Variants in GPR137B observed in about 807,000 individuals in gnomAD.
GPR137B encodes G protein-coupled receptor 137B.
GPR137B carries 42 observed loss-of-function variants against 42.5 expected under a neutral mutation model. That is an observed-to-expected ratio of 0.99 (90% CI 0.77 to 1.28). The LOEUF is 1.28. GPR137B is among the 50% of genes most tolerant of loss of function. GPR137B has a pLI of 0.00. For missense variants in GPR137B, 487 were observed against 493.9 expected, an observed-to-expected ratio of 0.99 and a Z score of 0.13; for synonymous variants, 218 against 209.7, an observed-to-expected ratio of 1.04 and a Z score of -0.34.
At chr1:236,206,684 A>C (rs1663672591) in intron 6 of GPR137B, among the ~76,000 whole-genome samples, 1 of 152,236 alleles carries the variant, frequency 6.6e-6, no homozygotes, top group Non-Finnish European at 1.5e-5. Context: ...AGTTTTGCTT[A>C]CCTCAGCATG....
In GPR137B at chr1:236,142,814, C is replaced by G. The variant is rs1437688608; in HGVS notation, c.192C>G (p.Leu64=). The change falls in exon 1 of 7, where the codon CTC becomes CTG. Residue 64 remains leucine (L), a synonymous_variant. Transcript: ENST00000366592. The stretch of plus-strand genomic sequence containing the variant: ...TCTTCGTGTTCATCTACGTGCAGCT[C>G]TGGCTGGTGCTGCGTTACCGCCACA... ...ALLFVFIYVQ[L]WLVLRYRHKR... 5 of 1,614,086 alleles carry G rather than the reference C, an allele frequency of 3.1e-6. No homozygotes were observed. The South Asian group carries it at 5.5e-5, about 18-fold the overall frequency.
At chr1:236,169,210 GCAGGTACAGGTACAGGTA>G (rs200459012) in intron 2 of GPR137B, among the ~76,000 whole-genome samples, 6 of 133,372 alleles carry the variant, frequency 4.5e-5, no homozygotes, top group African/African-American at 1.4e-4. Flanking sequence ...AGGTGCAGGT[GCAGGTACAGGTACAGGTA>G]CAGGTGCAGG....
At chr1:236,154,888 A>G (rs1300779433) in intron 1 of GPR137B, among the ~76,000 whole-genome samples, 2 of 152,172 alleles carry the variant, frequency 1.3e-5, no homozygotes, top group African/African-American at 2.4e-5. Context: ...ACCGGGAGAA[A>G]TGCATCCTCT....
At chr1:236,197,806 C>G (rs554367182) in intron 5 of GPR137B, among the ~76,000 whole-genome samples, 1 of 152,210 alleles carries the variant, frequency 6.6e-6, no homozygotes, top group Non-Finnish European at 1.5e-5. Flanking sequence ...TTGGAACCTC[C>G]GCCTCCCAGG....
chr1:236,144,437 A>G (rs1244972473), intron 1 of GPR137B, among the ~76,000 whole-genome samples: 1 of 152,224 alleles, frequency 6.6e-6, no homozygotes, highest in Non-Finnish European at 1.5e-5. Context: ...AACAAACAAA[A>G]AAAACAAAGT....
chr1:236,197,886 AATTTTTGT>A (rs1337725731), intron 5 of GPR137B, among the ~76,000 whole-genome samples: 1 of 151,882 alleles, frequency 6.6e-6, no homozygotes, highest in Non-Finnish European at 1.5e-5. Flanking sequence ...ATGCGCAGCT[AATTTTTGT>A]ATTTTTAGTA....
Position 236,205,134 on chromosome 1 carries a change from T to G in GPR137B, c.975T>G (p.Pro325=). 6 of 1,613,008 alleles carry G rather than the reference T, an allele frequency of 3.7e-6. No individual in the cohort carries two copies. Among genetic ancestry groups the G allele is most frequent in the Non-Finnish European group, 4.2e-6 (5 of 1,179,048 alleles). ...ATTACCTGTCTTTCTAGACCAACCC[T>G]GGAATGGTCCCCAGCCATGGATTCA... ...VRNPTKDLTN[P]GMVPSHGFSP... The change falls in exon 6 of 7, where the codon CCT becomes CCG. Residue 325 remains proline (P), a synonymous_variant. Transcript: ENST00000366592.
chr1:236,151,401 G>A (rs559353684), intron 1 of GPR137B, among the ~76,000 whole-genome samples: 1 of 150,348 alleles, frequency 6.7e-6, no homozygotes, highest in Non-Finnish European at 1.5e-5. Flanking sequence ...GCCACATATG[G>A]TCTCTGTTGC....
intron 5 of GPR137B, 109 bp downstream of exon 5, chr1:236,184,015 G>A (rs1662954214): frequency 2.9e-6 from 2 of 700,372 alleles, no homozygotes; most frequent in Non-Finnish European, 4.7e-6. Flanking sequence ...TTCCTTTTGT[G>A]GTGGTATGAA....
Position 236,201,847 on chromosome 1 carries a change from C to T in GPR137B, c.967-3279C>T, listed in dbSNP as rs116542435. On this transcript the variant is annotated intron_variant, in intron 5 of 6. Transcript: ENST00000366592. ...ACCTTGTTTTGTCATATTACCAGAA[C>T]TGCTTTTCTGATTCCTTCTCATGTG... 1.0e-3 allele frequency among the ~76,000 whole-genome samples: 155 copies of T among 152,138 alleles called. 1 individual carries two copies. The highest frequency in any genetic ancestry group is 3.5e-3 in the African/African-American group (144 of 41,414).
chr1:236,159,359 A>G (rs1284762684), intron 1 of GPR137B, among the ~76,000 whole-genome samples: 2 of 152,214 alleles, frequency 1.3e-5, no homozygotes, highest in Admixed American at 6.5e-5. Context: ...GCAAATGTCA[A>G]CTTGAGTTAG....
At chr1:236,179,504 G>A (rs757400795) in intron 3 of GPR137B, among the ~76,000 whole-genome samples, 7 of 152,154 alleles carry the variant, frequency 4.6e-5, no homozygotes, top group Non-Finnish European at 1.0e-4. Context: ...GCCTCCTTGA[G>A]CCAGAGGCCC....
chr1:236,157,886 C>T (rs1222536739), intron 1 of GPR137B, among the ~76,000 whole-genome samples: 1 of 152,138 alleles, frequency 6.6e-6, no homozygotes, highest in Non-Finnish European at 1.5e-5. Context: ...TAGATACCTT[C>T]CAAACACATA....
intron 5 of GPR137B, among the ~76,000 whole-genome samples, chr1:236,187,645 T>C (rs1663071202): frequency 6.6e-6 from 1 of 151,970 alleles, no homozygotes; most frequent in African/African-American, 2.4e-5. Context: ...GTTGTACATG[T>C]GTGGTATTAT....
chr1:236,147,529 G>A (rs111745612), intron 1 of GPR137B, among the ~76,000 whole-genome samples: 2,582 of 152,324 alleles, frequency 0.017, 66 homozygotes, highest in East Asian at 0.072. Context: ...TGGGTGACAG[G>A]CTGGATGCCT....
intron 2 of GPR137B, among the ~76,000 whole-genome samples, chr1:236,174,436 G>A (rs1558486876): frequency 6.6e-6 from 1 of 152,168 alleles, no homozygotes; most frequent in African/African-American, 2.4e-5. Flanking sequence ...CTTGAGTGCT[G>A]GGTTCTGGAA....
chr1:236,159,822 TGG>T (rs1662137236), intron 1 of GPR137B, among the ~76,000 whole-genome samples: 1 of 152,200 alleles, frequency 6.6e-6, no homozygotes, highest in Admixed American at 6.5e-5. Flanking sequence ...GGTGAAGGCC[TGG>T]GTTACCAAGG....
At chr1:236,200,150 A>G (rs1663452269) in intron 5 of GPR137B, among the ~76,000 whole-genome samples, 1 of 151,992 alleles carries the variant, frequency 6.6e-6, no homozygotes, top group Non-Finnish European at 1.5e-5. Flanking sequence ...ATGCATTTAT[A>G]TAGTTTTGAG....
Position 236,152,004 on chromosome 1 carries a change from G to A in GPR137B, c.414+8968G>A, listed in dbSNP as rs116184345. On this transcript the variant is annotated intron_variant, in intron 1 of 6. Transcript: ENST00000366592. ...AGGGTGTGAGCAACCTTGGCGTGCC[G>A]TGAGCCTGGCCCCATCAGGCCCACA... Among the ~76,000 whole-genome samples, 649 of 152,246 alleles carry A rather than the reference G, an allele frequency of 4.3e-3. 3 individuals are homozygous for A. The highest frequency in any genetic ancestry group is 6.4e-3 in the Non-Finnish European group (432 of 68,016).
Sources: allele counts gnomAD v4.1 joint callset (sites outside exome capture counted in the v4.1 genomes callset), GRCh38; gene constraint gnomAD v4.1.1; transcripts MANE v1.5; gene names NCBI Gene and HGNC (gene_info 2026-07-23, HGNC 2026-07-21).